Variants in WDFY1 observed in about 807,000 individuals in gnomAD.
The protein encoded by WDFY1 is WD repeat and FYVE domain-containing protein 1.
Under a neutral mutation model 56.4 loss-of-function variants are expected in WDFY1, and 32 were observed. That is an observed-to-expected ratio of 0.57 (90% CI 0.43 to 0.76). The LOEUF (loss-of-function observed/expected upper bound fraction) is 0.76. Ranked by LOEUF, WDFY1 falls within the 30% of genes least tolerant of loss-of-function variation. The pLI is 0.00. For missense variants in WDFY1, 480 were observed against 545.7 expected, an observed-to-expected ratio of 0.88 and a Z score of 1.20; for synonymous variants, 192 against 197.3, an observed-to-expected ratio of 0.97 and a Z score of 0.23.
At position 223,894,595 on chromosome 2, in the gene WDFY1, AG is replaced by A. The variant is rs1449810322; in HGVS notation, c.726-257del. Reference sequence around the variant, plus strand: ...AGAATTGTAGGCCAGAGATTTGATGAGGGCTATGGTTTTTGGGACCAATCAA... The same window carrying A: ...AGAATTGTAGGCCAGAGATTTGATGAGGCTATGGTTTTTGGGACCAATCAA... On this transcript the variant is annotated intron_variant, in intron 7 of 11. Coordinates refer to ENST00000233055, the MANE Select transcript of WDFY1 (RefSeq NM_020830.5). The A allele has an allele frequency of 6.9e-5, 32 of 460,610 alleles. No individual in the cohort carries two copies. The Middle Eastern group carries it at 1.8e-3, about 26-fold the overall frequency. 28.5% of individuals were successfully genotyped at this position (460,610 alleles called of 1,614,324 possible). A position where few individuals can be genotyped will look rare whatever the true frequency, so the allele number is the denominator to read the frequency against.
At chr2:223,933,711 A>G (rs1032230903) in intron 1 of WDFY1, among the ~76,000 whole-genome samples, 1 of 151,882 alleles carries the variant, frequency 6.6e-6, no homozygotes, top group African/African-American at 2.4e-5. Flanking sequence ...TATCCCAGCT[A>G]CTTGGCAGAC....
intron 11 of WDFY1, among the ~76,000 whole-genome samples, chr2:223,879,598 C>T (rs1007542494): frequency 5.9e-5 from 9 of 151,282 alleles, no homozygotes; most frequent in African/African-American, 1.9e-4. Flanking sequence ...AGGTGAAGGC[C>T]GCAGTGAGTA....
At chr2:223,922,893 T>C (rs886533537) in intron 1 of WDFY1, among the ~76,000 whole-genome samples, 3 of 152,256 alleles carry the variant, frequency 2.0e-5, no homozygotes, top group African/African-American at 4.8e-5. Flanking sequence ...GATTCCAGCA[T>C]TTTGAACACA....
At chr2:223,920,336 T>C (rs1291280899) in intron 1 of WDFY1, among the ~76,000 whole-genome samples, 1 of 152,174 alleles carries the variant, frequency 6.6e-6, no homozygotes, top group Non-Finnish European at 1.5e-5. Context: ...GCCAGGCCCA[T>C]GAGGGCTGCA....
At chr2:223,896,427 T>C (rs1337710338) in intron 6 of WDFY1, among the ~76,000 whole-genome samples, 1 of 152,160 alleles carries the variant, frequency 6.6e-6, no homozygotes, top group Non-Finnish European at 1.5e-5. Context: ...TTACATTAAG[T>C]ACCACAGAAA....
At chr2:223,930,398 C>T (rs554373839) in intron 1 of WDFY1, among the ~76,000 whole-genome samples, 10 of 152,332 alleles carry the variant, frequency 6.6e-5, no homozygotes, top group Admixed American at 2.0e-4. Context: ...GGCTTGATCT[C>T]GGCTCACTGC....
At chr2:223,941,952 A>G (rs974691552) in intron 1 of WDFY1, among the ~76,000 whole-genome samples, 4 of 152,148 alleles carry the variant, frequency 2.6e-5, no homozygotes, top group Non-Finnish European at 4.4e-5. Flanking sequence ...CCTTCAAGGA[A>G]GTTGCAAGAG....
intron 8 of WDFY1, among the ~76,000 whole-genome samples, chr2:223,885,479 G>A (rs555681588): frequency 5.3e-5 from 8 of 152,092 alleles, no homozygotes; most frequent in African/African-American, 1.7e-4. Flanking sequence ...TTACAGTCAC[G>A]AGCCACTGCG....
intron 1 of WDFY1, among the ~76,000 whole-genome samples, chr2:223,919,042 G>C (rs1559172010): frequency 6.6e-6 from 1 of 152,322 alleles, no homozygotes; most frequent in East Asian, 1.9e-4. Context: ...GAGTCCTGCA[G>C]TTCCTGCTCC....
chr2:223,920,297 C>A (rs1429326296), intron 1 of WDFY1, among the ~76,000 whole-genome samples: 1 of 152,232 alleles, frequency 6.6e-6, no homozygotes, highest in Non-Finnish European at 1.5e-5. Flanking sequence ...AGGAAGCACC[C>A]ACTGCACCCA....
At position 223,898,934 on chromosome 2, in the gene WDFY1, C is replaced by T. The variant is rs530541051; in HGVS notation, c.598+24G>A. 155 of 1,602,232 alleles carry T rather than the reference C, an allele frequency of 9.7e-5. No individual in the cohort carries two copies. In the South Asian group the frequency reaches 1.7e-3, roughly 17 times the overall value. ...GGATGTCCAAGTTAGGCAAAAAAAA[C>T]TCTTGGGTGATAATATAGCCTACCT... On this transcript the variant is annotated intron_variant, in intron 6 of 11. Transcript: ENST00000233055.
chr2:223,878,806 A>G (rs544517368), intron 11 of WDFY1, 76 bp from the exon 12 acceptor site: 2 of 1,545,734 alleles, frequency 1.3e-6, no homozygotes, highest in African/African-American at 1.4e-5. Flanking sequence ...ACAGACAAAC[A>G]AACGACTGTT....
chr2:223,894,153 G>A, intron 8 of WDFY1, 81 bp downstream of exon 8: 6 of 1,397,340 alleles, frequency 4.3e-6, no homozygotes, highest in South Asian at 1.2e-5. Flanking sequence ...AGCATTTACA[G>A]CTTGCGGGGT....
chr2:223,925,179 A>G lies in WDFY1; in HGVS notation c.138-7169T>C, dbSNP rs1004016007. Among the ~76,000 whole-genome samples, 6 of 151,586 alleles carry G rather than the reference A, an allele frequency of 4.0e-5. No homozygotes were observed. In the South Asian group the frequency reaches 1.0e-3, roughly 26 times the overall value. ...ATAGTTATGAAGTCCTGGAGCCCCAATAAAATGTTTATGAAATGGTCAGCT... is the reference window on the plus strand; with the variant it reads ...ATAGTTATGAAGTCCTGGAGCCCCAGTAAAATGTTTATGAAATGGTCAGCT... On this transcript the variant is annotated intron_variant, in intron 1 of 11. Coordinates refer to ENST00000233055, the MANE Select transcript of WDFY1 (RefSeq NM_020830.5).
rs571463707 is a variant in WDFY1 at position 223,907,509 on chromosome 2, T to C, written c.280-1508A>G. Among the ~76,000 whole-genome samples, 17 of 152,324 alleles carry C rather than the reference T, an allele frequency of 1.1e-4. 1 individual carries two copies. In the South Asian group the frequency reaches 3.1e-3, roughly 28 times the overall value. ...ATTGGATTTGCATTGCCCCTTTCCA[T>C]TGAACAACTGTAACAGTTCTTATGT... On this transcript the variant is annotated intron_variant, in intron 3 of 11. Transcript: ENST00000233055.
rs553146689 is a variant in WDFY1, at chr2:223,878,699, C to A, written c.1205G>T (p.Ser402Ile). Residue 402 changes from serine to isoleucine, a missense_variant, in exon 12 of 12, where the codon AGT becomes ATT. Ser to Ile is a moderately radical substitution (Grantham distance 142). Coordinates refer to ENST00000233055, the MANE Select transcript of WDFY1 (RefSeq NM_020830.5). ...GTGCGGAGAAAACCCAGTCGCCAGA[C>A]TGCAGCCCACCACAGGTGTCATGTC... The part of the protein sequence containing the change: ...IWDMTPVVGC[S>I]LATGFSPH The A allele has an allele frequency of 2.3e-5, 37 of 1,614,122 alleles. No homozygotes were observed. The African/African-American group carries it at 4.3e-4, about 19-fold the overall frequency.
intron 2 of WDFY1, among the ~76,000 whole-genome samples, chr2:223,912,673 C>G (rs538980): frequency 2.0e-5 from 3 of 152,028 alleles, no homozygotes; most frequent in Non-Finnish European, 4.4e-5. Flanking sequence ...GAGGTCATCC[C>G]GCCCCTGCCA....
intron 1 of WDFY1, among the ~76,000 whole-genome samples, chr2:223,940,754 T>C (rs1689287659): frequency 6.6e-6 from 1 of 152,124 alleles, no homozygotes; most frequent in Admixed American, 6.5e-5. Context: ...GTGATTCTCC[T>C]GTCTCAGCCT....
chr2:223,881,957 G>C lies in WDFY1; in HGVS notation c.1049C>G (p.Ser350Cys). ...AAACACTCACTCTTCATCTTTGATG[G>C]AGTCGTAACAAGAATCACAAACCCG... Reference protein sequence around the residue: ...QVRVCDSCYDSIKDEDRTSLA... With the variant: ...QVRVCDSCYDCIKDEDRTSLA... Residue 350 changes from serine (S) to cysteine (C), a missense_variant, in exon 10 of 12, where the codon TCC (serine) becomes TGC (cysteine). Coordinates refer to ENST00000233055, the MANE Select transcript of WDFY1 (RefSeq NM_020830.5). 1 of 1,613,734 alleles carries C rather than the reference G, an allele frequency of 6.2e-7. No homozygotes were observed. Among genetic ancestry groups the C allele is most frequent in the Non-Finnish European group, 8.5e-7 (1 of 1,179,754 alleles).
Sources: allele counts gnomAD v4.1 joint callset (sites outside exome capture counted in the v4.1 genomes callset), GRCh38; gene constraint gnomAD v4.1.1; transcripts MANE v1.5; gene names NCBI Gene and HGNC (gene_info 2026-07-23, HGNC 2026-07-21).